NELL1: variants seen among roughly 807,000 people sequenced by gnomAD.
NELL1 encodes the protein protein kinase C-binding protein NELL1.
A neutral mutation model predicts 107.4 loss-of-function variants in NELL1; 76 were observed. That is an observed-to-expected ratio of 0.71 (90% CI 0.59 to 0.86). The LOEUF (loss-of-function observed/expected upper bound fraction) is 0.86, where lower values mean the gene tolerates loss of function less well. Among genes scored for constraint, NELL1 ranks in the 40% least tolerant of loss-of-function variants. The pLI is 0.00. For synonymous variants in NELL1, 353 were observed against 341.2 expected (o/e 1.03, Z -0.38); for missense variants, 1,024 against 1,005.5 (o/e 1.02, Z -0.25).
chr11:21,326,154 G>A lies in NELL1; in HGVS notation c.1550-44699G>A, dbSNP rs930727369. Among the ~76,000 whole-genome samples the A allele has an allele frequency of 2.9e-4, 18 of 62,930 alleles. 1 individual carries two copies. Among genetic ancestry groups the A allele is most frequent in the African/African-American group, 8.2e-4 (16 of 19,544 alleles). 41.3% of individuals were successfully genotyped at this position (62,930 alleles called of 152,430 possible). On this transcript the variant is annotated intron_variant, in intron 14 of 19. Coordinates refer to ENST00000357134, the MANE Select transcript of NELL1 (RefSeq NM_006157.5). The stretch of plus-strand genomic sequence containing the variant: ...TTTTTGGCTTTATATCTACCATTTT[G>A]CTATTTTTTTTTTTCTATTTGTTCC...
chr11:20,693,825 G>A (rs1382259207), intron 2 of NELL1, among the ~76,000 whole-genome samples: 3 of 152,240 alleles, frequency 2.0e-5, no homozygotes, highest in South Asian at 4.1e-4. Flanking sequence ...GAATCTGAAT[G>A]TTGGCCTGCC....
chr11:20,879,741 T>A (rs1442259881), intron 4 of NELL1, among the ~76,000 whole-genome samples: 3 of 152,202 alleles, frequency 2.0e-5, no homozygotes, highest in African/African-American at 7.2e-5. Context: ...CTTTTATAAA[T>A]GTCAAAGAAT....
At chr11:21,459,904 A>G (rs1047134033) in intron 15 of NELL1, among the ~76,000 whole-genome samples, 2 of 152,218 alleles carry the variant, frequency 1.3e-5, no homozygotes, top group African/African-American at 4.8e-5. Flanking sequence ...CATGGACTTT[A>G]TGACATTGGA....
At chr11:21,465,880 G>A (rs78775698) in intron 15 of NELL1, among the ~76,000 whole-genome samples, 1 of 152,132 alleles carries the variant, frequency 6.6e-6, no homozygotes, top group Non-Finnish European at 1.5e-5. Flanking sequence ...AAAAATCTAA[G>A]CCATAGCACC....
At chr11:21,497,731 C>A (rs1320404269) in intron 15 of NELL1, among the ~76,000 whole-genome samples, 1 of 151,928 alleles carries the variant, frequency 6.6e-6, no homozygotes, top group Non-Finnish European at 1.5e-5. Context: ...TCTTCCTATA[C>A]ATTTAGATCT....
chr11:21,289,591 G>A (rs6483758), intron 14 of NELL1, among the ~76,000 whole-genome samples: 1 of 152,106 alleles, frequency 6.6e-6, no homozygotes, highest in African/African-American at 2.4e-5. Context: ...TGGCAGTTTG[G>A]GCAGACAGGG....
chr11:20,830,100 T>G (rs1170415613), intron 3 of NELL1, among the ~76,000 whole-genome samples: 2 of 151,790 alleles, frequency 1.3e-5, no homozygotes, highest in South Asian at 4.2e-4. Flanking sequence ...GGTGAAACCC[T>G]GTCTCTACTA....
intron 3 of NELL1, among the ~76,000 whole-genome samples, chr11:20,785,972 G>T (rs1856945494): frequency 6.6e-6 from 1 of 151,890 alleles, no homozygotes; most frequent in Non-Finnish European, 1.5e-5. Context: ...TTCTAATAGA[G>T]CCCAAGGATG....
At chr11:21,532,347 T>C (rs1373114406) in intron 15 of NELL1, among the ~76,000 whole-genome samples, 1 of 152,210 alleles carries the variant, frequency 6.6e-6, no homozygotes, top group Non-Finnish European at 1.5e-5. Flanking sequence ...TAGAAATATC[T>C]GTGAATTGAA....
chr11:21,350,366 T>A (rs568167265), intron 14 of NELL1, among the ~76,000 whole-genome samples: 65 of 145,894 alleles, frequency 4.5e-4, no homozygotes, highest in African/African-American at 8.0e-4. Flanking sequence ...AAGATCTTTT[T>A]AAAAAAAAAA....
chr11:21,462,184 TCATACAA>T (rs1487274361), intron 15 of NELL1, among the ~76,000 whole-genome samples: 1 of 152,092 alleles, frequency 6.6e-6, no homozygotes, highest in Non-Finnish European at 1.5e-5. Context: ...AACTGTAGTC[TCATACAA>T]CTAGAATTAA....
At chr11:21,205,327 A>G (rs1193615184) in intron 13 of NELL1, among the ~76,000 whole-genome samples, 1 of 152,164 alleles carries the variant, frequency 6.6e-6, no homozygotes, top group Non-Finnish European at 1.5e-5. Context: ...GGAGGAATCT[A>G]AAGAGGCAGT....
intron 13 of NELL1, among the ~76,000 whole-genome samples, chr11:21,207,188 C>T (rs1275653062): frequency 6.6e-6 from 1 of 152,174 alleles, no homozygotes; most frequent in Non-Finnish European, 1.5e-5. Flanking sequence ...TTCACTGAAT[C>T]TGTATTACTT....
intron 13 of NELL1, among the ~76,000 whole-genome samples, chr11:21,160,304 T>C (rs1030702868): frequency 6.6e-6 from 1 of 152,214 alleles, no homozygotes; most frequent in African/African-American, 2.4e-5. Context: ...ACATTTTTCT[T>C]AGCTAATATT....
At chr11:20,682,183 A>G (rs372268619) in intron 2 of NELL1, among the ~76,000 whole-genome samples, 30 of 152,186 alleles carry the variant, frequency 2.0e-4, no homozygotes, top group African/African-American at 7.2e-4. Context: ...CCTGAGTACT[A>G]CAATTAAATC....
chr11:21,534,153 C>T (rs907668837), intron 15 of NELL1, among the ~76,000 whole-genome samples: 1 of 152,128 alleles, frequency 6.6e-6, no homozygotes, highest in African/African-American at 2.4e-5. Flanking sequence ...ACCATAAGCT[C>T]TCATTCATTG....
chr11:21,253,948 T>A (rs1858705700), intron 14 of NELL1, among the ~76,000 whole-genome samples: 1 of 152,058 alleles, frequency 6.6e-6, no homozygotes, highest in African/African-American at 2.4e-5. Flanking sequence ...CTAGGAAGGT[T>A]TGAAGAAGTT....
At chr11:21,232,147 T>TAAAA (rs869244876) in intron 14 of NELL1, among the ~76,000 whole-genome samples, 2 of 90,502 alleles carry the variant, frequency 2.2e-5, no homozygotes, top group African/African-American at 3.8e-5. Flanking sequence ...TAAAAAAAAA[T>TAAAA]AAAAAAAAAA....
rs952809910 is a variant in NELL1 at position 21,083,146 on chromosome 11, A to C, written c.1301-30443A>C. The stretch of plus-strand genomic sequence containing the variant: ...GGAGCAAGTCCATACATAAGAATTA[A>C]GTCAGTATGTGTTTTTATGGGGCCA... On this transcript the variant is annotated intron_variant, in intron 12 of 19. Coordinates refer to ENST00000357134, the MANE Select transcript of NELL1 (RefSeq NM_006157.5). 1.2e-4 allele frequency among the ~76,000 whole-genome samples: 19 copies of C among 152,330 alleles called. No homozygotes were observed. In the East Asian group the frequency reaches 1.7e-3, roughly 14 times the overall value.
Sources: allele counts gnomAD v4.1 joint callset (sites outside exome capture counted in the v4.1 genomes callset), GRCh38; gene constraint gnomAD v4.1.1; transcripts MANE v1.5; gene names NCBI Gene and HGNC (gene_info 2026-07-23, HGNC 2026-07-21).